The following MYH13 variants were observed in gnomAD, a reference collection of about 807,000 sequenced individuals.
MYH13 encodes the protein myosin heavy chain 13.
A neutral mutation model predicts 232.1 loss-of-function variants in MYH13; 177 were observed. That is an observed-to-expected ratio of 0.76 (90% CI 0.67 to 0.86). MYH13 has a LOEUF of 0.86. Ranked by LOEUF, MYH13 falls within the 40% of genes least tolerant of loss-of-function variation. MYH13 has a pLI of 0.00. For missense variants in MYH13, 2,246 were observed against 2,405.9 expected, an observed-to-expected ratio of 0.93 and a Z score of 1.39; for synonymous variants, 884 against 923.5, an observed-to-expected ratio of 0.96 and a Z score of 0.78.
chr17:10,329,939 G>T (rs1224437060), intron 21 of MYH13, among the ~76,000 whole-genome samples: 1 of 151,872 alleles, frequency 6.6e-6, no homozygotes, highest in Non-Finnish European at 1.5e-5. Flanking sequence ...GCTGGAGATT[G>T]CAGTGAGCCG....
intron 40 of MYH13, 103 bp from the exon 41 acceptor site, chr17:10,301,068 G>C (rs1030148219): frequency 1.2e-5 from 12 of 1,001,800 alleles, no homozygotes; most frequent in African/African-American, 4.9e-5. Context: ...AACTTCAGAG[G>C]AATATTAAGG....
chr17:10,334,782 G>A (rs1477662807), intron 18 of MYH13, among the ~76,000 whole-genome samples: 2 of 152,110 alleles, frequency 1.3e-5, no homozygotes, highest in Non-Finnish European at 2.9e-5. Context: ...GGGAGGCTGC[G>A]TCAAGAGAAT....
chr17:10,353,068 A>G (rs1379208918), intron 11 of MYH13, among the ~76,000 whole-genome samples: 2 of 151,874 alleles, frequency 1.3e-5, no homozygotes, highest in East Asian at 1.9e-4. Context: ...GCCATTGTGC[A>G]TATAACACAA....
chr17:10,343,793 A>ATTT lies in MYH13; in HGVS notation c.1894+4_1894+6dup. 1 of 1,580,942 alleles carries ATTT rather than the reference A, an allele frequency of 6.3e-7. No individual in the cohort carries two copies. The highest frequency in any genetic ancestry group is 1.2e-5 in the South Asian group (1 of 86,260). On this transcript the variant is annotated splice_region_variant and intron_variant, in intron 16 of 40. Transcript: ENST00000252172. Reference sequence around the variant, plus strand: ...CCCACAGAGGGAAAGAAATGATAGAATTTTACCTGTCTCTGCACCAGCATA... The same window carrying ATTT: ...CCCACAGAGGGAAAGAAATGATAGAATTTTTTTACCTGTCTCTGCACCAGCATA...
intron 29 of MYH13, 106 bp from the exon 30 acceptor site, chr17:10,313,460 T>A (rs1031206568): frequency 2.6e-6 from 4 of 1,533,020 alleles, no homozygotes; most frequent in Non-Finnish European, 2.6e-6. Flanking sequence ...CCCTATGCTG[T>A]CTTCACCAAT....
intron 21 of MYH13, 88 bp downstream of exon 21, chr17:10,330,299 A>T: frequency 1.3e-6 from 2 of 1,540,526 alleles, no homozygotes; most frequent in Non-Finnish European, 1.8e-6. Context: ...GAGCAAGCAC[A>T]TGGAAATCCC....
intron 40 of MYH13, 70 bp downstream of exon 40, chr17:10,301,499 G>C: frequency 6.3e-7 from 1 of 1,594,354 alleles, no homozygotes. Flanking sequence ...TCAGGCATTC[G>C]CTCTTACCTG....
chr17:10,359,302 A>C (rs1293838037), intron 7 of MYH13, among the ~76,000 whole-genome samples: 1 of 152,166 alleles, frequency 6.6e-6, no homozygotes, highest in African/African-American at 2.4e-5. Flanking sequence ...CAGTGATTTA[A>C]TTAATCATGC....
chr17:10,338,529 C>G (rs368960304), intron 18 of MYH13, among the ~76,000 whole-genome samples: 3 of 151,846 alleles, frequency 2.0e-5, no homozygotes, highest in African/African-American at 7.3e-5. Context: ...TCACAATGTG[C>G]TCAGCCCTGT....
chr17:10,301,585 C>A lies in MYH13; in HGVS notation c.5786G>T (p.Arg1929Leu), dbSNP rs538446950. The A allele has an allele frequency of 2.0e-4, 318 of 1,614,208 alleles. 7 individuals are homozygous for A. The South Asian group carries it at 3.4e-3, about 17-fold the overall frequency. ...TGCTCTTACCTGGCTGCCCACGTCT[C>A]GGCTCTTGGCCCTCAGCTTGTTGAC... is the stretch of plus-strand genomic sequence containing the variant. ...SQVNKLRAKSRDVGSQKMEE is the reference protein window; with the variant it reads ...SQVNKLRAKSLDVGSQKMEE Residue 1929 changes from arginine to leucine, a missense_variant, in exon 40 of 41, where the codon CGA becomes CTA. Coordinates refer to ENST00000252172, the MANE Select transcript of MYH13 (RefSeq NM_003802.3).
intron 11 of MYH13, 64 bp downstream of exon 11, chr17:10,354,616 G>T (rs1249327644): frequency 9.1e-6 from 13 of 1,428,192 alleles, no homozygotes; most frequent in Non-Finnish European, 1.3e-5. Flanking sequence ...GCTCACTAAC[G>T]TGTCTCTCAG....
Position 10,343,882 on chromosome 17 carries a change from G to A in MYH13, c.1812C>T (p.Asn604=), listed in dbSNP as rs12938754. Residue 604 remains asparagine (N), a synonymous_variant, in exon 16 of 41, where the codon AAC becomes AAT. Transcript: ENST00000252172. The part of the protein sequence containing the change: ...GWLDKNKDPL[N]ETVVGLYQKS... ...TCTGGTACAGCCCCACCACAGTCTC[G>A]TTCAGGGGGTCCTTGTTTTTGTCCA... 402,280 of 1,613,966 alleles carry A rather than the reference G, an allele frequency of 0.25. 56,190 individuals are homozygous for A. The highest frequency in any genetic ancestry group is 0.29 in the Non-Finnish European group (342,737 of 1,179,872).
chr17:10,361,996 A>C (rs555272049), intron 5 of MYH13, 122 bp downstream of exon 5: 86 of 1,579,442 alleles, frequency 5.4e-5, no homozygotes, highest in Non-Finnish European at 7.3e-5. Flanking sequence ...TTCATCCCCA[A>C]ATCATCTGAC....
chr17:10,365,523 G>A (rs931735550), intron 2 of MYH13, among the ~76,000 whole-genome samples: 5 of 152,212 alleles, frequency 3.3e-5, no homozygotes, highest in Non-Finnish European at 5.9e-5. Flanking sequence ...AAGTTCCCAG[G>A]TGATGCAGAT....
rs111381824 is a variant in MYH13, at chr17:10,322,383, C to T, written c.2935-675G>A. On this transcript the variant is annotated intron_variant, in intron 23 of 40. Coordinates refer to ENST00000252172, the MANE Select transcript of MYH13 (RefSeq NM_003802.3). ...ACTGCACTCTAGCCTGGTGACAGAG[C>T]GAGACTCCGTCTCAAAAATAAAGAC... Among the ~76,000 whole-genome samples, 1,105 of 152,042 alleles carry T rather than the reference C, an allele frequency of 7.3e-3. 11 individuals are homozygous for T. Among genetic ancestry groups the T allele is most frequent in the African/African-American group, 0.024 (999 of 41,506 alleles).
intron 22 of MYH13, among the ~76,000 whole-genome samples, chr17:10,325,529 C>T (rs911755125): frequency 6.6e-6 from 1 of 152,078 alleles, no homozygotes. Flanking sequence ...TCTCCTCGAA[C>T]CACAGAACAG....
At chr17:10,364,600 G>T in intron 2 of MYH13, 58 bp from the exon 3 acceptor site, 5 of 1,427,502 alleles carry the variant, frequency 3.5e-6, no homozygotes, top group Non-Finnish European at 3.9e-6. Flanking sequence ...GAAGCTGCAG[G>T]GCCCCTACCC....
chr17:10,364,564 C>T (rs753011400), intron 2 of MYH13, 22 bp from the exon 3 acceptor site: 22 of 1,553,840 alleles, frequency 1.4e-5, no homozygotes, highest in Non-Finnish European at 1.6e-5. Flanking sequence ...AGAGGGACTG[C>T]TGAGTCTTGT....
intron 1 of MYH13, among the ~76,000 whole-genome samples, chr17:10,372,204 T>A (rs58389453): frequency 0.027 from 4,064 of 152,244 alleles, 195 homozygotes; most frequent in African/African-American, 0.089. Flanking sequence ...ATCCTCAATT[T>A]AAAAAAATAT....
Sources: allele counts gnomAD v4.1 joint callset (sites outside exome capture counted in the v4.1 genomes callset), GRCh38; gene constraint gnomAD v4.1.1; transcripts MANE v1.5; gene names NCBI Gene and HGNC (gene_info 2026-07-23, HGNC 2026-07-21).